Variants in ROR1 observed in about 807,000 individuals in gnomAD.
ROR1 encodes ROR family WNT receptor 1, also known as inactive tyrosine-protein kinase transmembrane receptor ROR1.
ROR1 carries 19 observed loss-of-function variants against 78.8 expected under a neutral mutation model. The observed-to-expected ratio is 0.24, with a 90% CI of 0.17 to 0.35. The LOEUF is 0.35. Ranked by LOEUF, ROR1 falls within the 10% of genes least tolerant of loss-of-function variation. The pLI is 1.00. For missense variants in ROR1, 917 were observed against 1,177.8 expected, an observed-to-expected ratio of 0.78 and a Z score of 3.24; for synonymous variants, 386 against 433.6, an observed-to-expected ratio of 0.89 and a Z score of 1.36.
chr1:63,846,449 A>G (rs1023355420), intron 1 of ROR1, among the ~76,000 whole-genome samples: 3 of 152,168 alleles, frequency 2.0e-5, no homozygotes, highest in Non-Finnish European at 2.9e-5. Flanking sequence ...TAAAGATGCC[A>G]TGAATCATCT....
chr1:63,839,961 C>G (rs902689924), intron 1 of ROR1, among the ~76,000 whole-genome samples: 4 of 152,074 alleles, frequency 2.6e-5, no homozygotes, highest in African/African-American at 9.7e-5. Context: ...TTACATTATT[C>G]TCATGGAAAT....
At chr1:63,868,441 A>G (rs1569841660) in intron 1 of ROR1, among the ~76,000 whole-genome samples, 1 of 152,324 alleles carries the variant, frequency 6.6e-6, no homozygotes, top group East Asian at 1.9e-4. Flanking sequence ...CAGAGCAAAG[A>G]GCTCCAGAGT....
chr1:64,140,505 C>T, intron 6 of ROR1, 79 bp downstream of exon 6: 1 of 1,337,426 alleles, frequency 7.5e-7, no homozygotes. Flanking sequence ...GACCTTGACC[C>T]ATAGTGATTT....
chr1:63,913,454 T>A (rs1645586468), intron 1 of ROR1, among the ~76,000 whole-genome samples: 1 of 152,186 alleles, frequency 6.6e-6, no homozygotes, highest in Non-Finnish European at 1.5e-5. Context: ...ATTGGGGGTA[T>A]GCTGTGTATT....
intron 4 of ROR1, among the ~76,000 whole-genome samples, chr1:64,123,590 G>A (rs368310728): frequency 1.3e-5 from 2 of 152,220 alleles, no homozygotes; most frequent in Non-Finnish European, 1.5e-5. Context: ...TGCTAAAAAT[G>A]TACAAACAGT....
intron 4 of ROR1, among the ~76,000 whole-genome samples, chr1:64,100,674 C>T (rs2100656542): frequency 6.6e-6 from 1 of 152,282 alleles, no homozygotes; most frequent in Admixed American, 6.5e-5. Flanking sequence ...TATCAAACCC[C>T]TACTAGTGCC....
intron 4 of ROR1, among the ~76,000 whole-genome samples, chr1:64,070,477 A>T (rs1165121090): frequency 6.6e-6 from 1 of 152,102 alleles, no homozygotes; most frequent in African/African-American, 2.4e-5. Flanking sequence ...CACCACACCC[A>T]GTTAAAATTT....
intron 4 of ROR1, among the ~76,000 whole-genome samples, chr1:64,064,490 C>T (rs537210396): frequency 5.3e-4 from 80 of 152,284 alleles, no homozygotes; most frequent in Middle Eastern, 6.8e-3. Context: ...GGTCATCTGC[C>T]TTGCAGATGC....
chr1:63,926,332 T>C (rs1455368696), intron 1 of ROR1, among the ~76,000 whole-genome samples: 65 of 150,596 alleles, frequency 4.3e-4, no homozygotes, highest in African/African-American at 1.4e-3. Flanking sequence ...TGTAGATATG[T>C]GGCGTTATTT....
intron 4 of ROR1, among the ~76,000 whole-genome samples, chr1:64,127,471 T>TTCTCTGTCTCCTCTCTCTGTCTCTC (rs1648750078): frequency 6.6e-6 from 1 of 151,714 alleles, no homozygotes; most frequent in African/African-American, 2.4e-5. Context: ...GTCTGTCTCT[T>TTCTCTGTCTCCTCTCTCTGTCTCTC]TCTCTGTCTC....
intron 1 of ROR1, among the ~76,000 whole-genome samples, chr1:63,779,529 G>A (rs981963417): frequency 2.6e-5 from 4 of 152,200 alleles, no homozygotes; most frequent in Middle Eastern, 3.4e-3. Context: ...GAAGGGGGAG[G>A]GGATGGGGGC....
rs140839680 is a variant in ROR1 at position 64,009,387 on chromosome 1, G to T, written c.163+11G>T. On this transcript the variant is annotated intron_variant, in intron 2 of 8. Transcript: ENST00000371079. ...GTGAACTCAACAAAGGTACACAGTG[G>T]GGGCACACAGGGGAGGCGAGGAAAG... 631 of 1,598,820 alleles carry T rather than the reference G, an allele frequency of 3.9e-4. 4 individuals carry two copies. In the African/African-American group the frequency reaches 7.3e-3, roughly 19 times the overall value.
At chr1:63,904,585 G>A (rs1196003945) in intron 1 of ROR1, among the ~76,000 whole-genome samples, 4 of 152,102 alleles carry the variant, frequency 2.6e-5, no homozygotes, top group Non-Finnish European at 5.9e-5. Flanking sequence ...CTTTAAATTC[G>A]TATATTGAAG....
chr1:63,791,765 C>T (rs1644728339), intron 1 of ROR1, among the ~76,000 whole-genome samples: 1 of 152,020 alleles, frequency 6.6e-6, no homozygotes, highest in Non-Finnish European at 1.5e-5. Context: ...TAATCCATTC[C>T]CTGAAGATTA....
intron 1 of ROR1, chr1:63,843,188 G>A (rs184519312): frequency 1.2e-4 from 166 of 1,330,332 alleles, no homozygotes; most frequent in Non-Finnish European, 1.7e-4. Flanking sequence ...GGCCAGAACC[G>A]GCTCACAAAG....
intron 1 of ROR1, among the ~76,000 whole-genome samples, chr1:63,974,094 A>G (rs1646139173): frequency 6.6e-6 from 1 of 152,240 alleles, no homozygotes; most frequent in Non-Finnish European, 1.5e-5. Flanking sequence ...ATTTAAAGGG[A>G]AATATTAAAT....
At chr1:63,868,424 C>G (rs1645230372) in intron 1 of ROR1, among the ~76,000 whole-genome samples, 2 of 152,252 alleles carry the variant, frequency 1.3e-5, no homozygotes, top group South Asian at 4.1e-4. Flanking sequence ...TAGGATATGG[C>G]AGGATGCAGA....
intron 1 of ROR1, among the ~76,000 whole-genome samples, chr1:63,842,966 A>G (rs1645058029): frequency 6.6e-6 from 1 of 152,136 alleles, no homozygotes; most frequent in African/African-American, 2.4e-5. Flanking sequence ...CCCAAGAGGA[A>G]TAAGAAGATC....
At chr1:63,897,009 A>C (rs1645445412) in intron 1 of ROR1, among the ~76,000 whole-genome samples, 2 of 152,296 alleles carry the variant, frequency 1.3e-5, no homozygotes, top group South Asian at 4.1e-4. Flanking sequence ...TAAACTCTAC[A>C]AGGTCATAAA....
Sources: allele counts gnomAD v4.1 joint callset (sites outside exome capture counted in the v4.1 genomes callset), GRCh38; gene constraint gnomAD v4.1.1; transcripts MANE v1.5; gene names NCBI Gene and HGNC (gene_info 2026-07-23, HGNC 2026-07-21).